Variants in ANXA5 observed in about 807,000 individuals in gnomAD.
The protein encoded by ANXA5 is CBP-I.
In ANXA5, 40 loss-of-function variants were observed where a neutral mutation model predicts 48.1. That is an observed-to-expected ratio of 0.83 (90% CI 0.65 to 1.08). The LOEUF is 1.08. ANXA5 is among the 50% of genes least tolerant of loss of function. The probability of loss-of-function intolerance (pLI) is 0.00; values close to 1 mark genes in which losing one functional copy is unlikely to be tolerated. For missense variants in ANXA5, 357 were observed against 376.8 expected (o/e 0.95, Z 0.44); for synonymous variants, 113 against 129.1 (o/e 0.88, Z 0.85).
chr4:121,673,497 A>C (rs367562889), intron 8 of ANXA5, among the ~76,000 whole-genome samples: 12 of 152,344 alleles, frequency 7.9e-5, no homozygotes, highest in East Asian at 3.9e-4. Context: ...CACAAGCAGC[A>C]ATCCAAATAA....
Position 121,672,539 on chromosome 4 carries a change from T to G in ANXA5, c.619A>C (p.Arg207=). The change falls in exon 9 of 13, where the codon AGA becomes CGA. Residue 207 remains arginine (R), a synonymous_variant. Transcript: ENST00000296511. ...IFGTRSVSHL[R]KVFDKYMTIS... is the part of the protein sequence containing the mutation. Reference sequence around the variant, plus strand: ...ACAGATTTTTTTCACTCACCCTTTCTCAAATGAGACACACTTCGTGTTCCA... The same window carrying G: ...ACAGATTTTTTTCACTCACCCTTTCGCAAATGAGACACACTTCGTGTTCCA... 1 of 1,613,310 alleles carries G rather than the reference T, an allele frequency of 6.2e-7. No homozygotes were observed. The highest frequency in any genetic ancestry group is 8.5e-7 in the Non-Finnish European group (1 of 1,179,462).
chr4:121,670,897 G>T (rs183320211), intron 10 of ANXA5, among the ~76,000 whole-genome samples: 26 of 152,106 alleles, frequency 1.7e-4, no homozygotes, highest in African/African-American at 6.0e-4. Context: ...TGAGCTCAAG[G>T]CCAAATACTT....
In ANXA5 at chr4:121,678,455, G is replaced by C; in HGVS notation, c.434C>G (p.Thr145Ser). 1 of 1,613,788 alleles carries C rather than the reference G, an allele frequency of 6.2e-7. No individual in the cohort carries two copies. Residue 145 changes from threonine (T) to serine (S), a missense_variant, in exon 7 of 13, where the codon ACT becomes AGT. By Grantham distance (58) the Thr-to-Ser change is moderately conservative. Transcript: ENST00000296511. ...CAACATCCGCTGGTAGTACCCTGAA[G>C]TGTCCCCCACCACGTCATCTTCCAG... ...SSLEDDVVGD[T>S]SGYYQRMLVV...
At chr4:121,677,592 T>C (rs1724719502) in intron 8 of ANXA5, among the ~76,000 whole-genome samples, 1 of 152,166 alleles carries the variant, frequency 6.6e-6, no homozygotes, top group African/African-American at 2.4e-5. Context: ...GTGGAAGTAA[T>C]AACACTGTTT....
chr4:121,672,159 C>T (rs1165549200), intron 9 of ANXA5, among the ~76,000 whole-genome samples: 1 of 152,310 alleles, frequency 6.6e-6, no homozygotes, highest in South Asian at 2.1e-4. Flanking sequence ...GTCACTTGCA[C>T]TAAATTCATT....
chr4:121,689,511 GAAAAAATTCGGA>G (rs1341554074), intron 2 of ANXA5, among the ~76,000 whole-genome samples: 1 of 152,168 alleles, frequency 6.6e-6, no homozygotes, highest in Non-Finnish European at 1.5e-5. Context: ...TGTGAAAAGA[GAAAAAATTCGGA>G]AAAAAATTCC....
chr4:121,674,663 A>G (rs1357992284), intron 8 of ANXA5, among the ~76,000 whole-genome samples: 1 of 152,216 alleles, frequency 6.6e-6, no homozygotes, highest in Non-Finnish European at 1.5e-5. Context: ...TTTGGGATCA[A>G]TATCTACTGT....
chr4:121,690,556 G>C (rs553901464), intron 2 of ANXA5, among the ~76,000 whole-genome samples: 52 of 152,170 alleles, frequency 3.4e-4, no homozygotes, highest in African/African-American at 1.2e-3. Flanking sequence ...TGCAAAGCAG[G>C]CTTTTAAAAA....
chr4:121,675,841 G>T (rs973265345), intron 8 of ANXA5, among the ~76,000 whole-genome samples: 2 of 152,204 alleles, frequency 1.3e-5, no homozygotes, highest in African/African-American at 4.8e-5. Flanking sequence ...ACATGCCCAT[G>T]AAAGTTTGAG....
rs780847433 is a variant in ANXA5, at chr4:121,686,401, C to T, written c.10-29G>A. 3.0e-5 allele frequency: 45 copies of T among 1,503,884 alleles called. 1 individual carries two copies. In the South Asian group the frequency reaches 3.3e-4, roughly 11 times the overall value. The allele number at this position is 1,503,884 out of a possible 1,614,324, so 93.2% of individuals were successfully genotyped here. ...ATTCACGAAACACAGTGGTATTATT[C>T]ATATCATGACTAATATGACAAAGTA... On this transcript the variant is annotated intron_variant, in intron 2 of 12. Transcript: ENST00000296511.
chr4:121,672,816 A>G (rs1482399131), intron 8 of ANXA5, among the ~76,000 whole-genome samples, 190 bp from the exon 9 acceptor site: 2 of 152,190 alleles, frequency 1.3e-5, no homozygotes, highest in African/African-American at 4.8e-5. Flanking sequence ...GGAGCTTGCC[A>G]CTGAACTGTG....
chr4:121,680,403 A>T (rs1246056931), intron 6 of ANXA5, among the ~76,000 whole-genome samples: 2 of 152,180 alleles, frequency 1.3e-5, no homozygotes, highest in Non-Finnish European at 2.9e-5. Flanking sequence ...CAAAGCTATG[A>T]TGACCTCTCT....
At chr4:121,672,817 C>A (rs765282857) in intron 8 of ANXA5, among the ~76,000 whole-genome samples, 191 bp from the exon 9 acceptor site, 1 of 152,210 alleles carries the variant, frequency 6.6e-6, no homozygotes, top group East Asian at 1.9e-4. Context: ...GAGCTTGCCA[C>A]TGAACTGTGC....
chr4:121,669,838 T>C lies in ANXA5; in HGVS notation c.781-114A>G, dbSNP rs1196768695. 9 of 1,460,644 alleles carry C rather than the reference T, an allele frequency of 6.2e-6. No individual in the cohort carries two copies. The Admixed American group carries it at 1.7e-4, about 27-fold the overall frequency. The allele number at this position is 1,460,644 out of a possible 1,614,324, so 90.5% of individuals were successfully genotyped here. On this transcript the variant is annotated intron_variant, in intron 11 of 12. Transcript: ENST00000296511. ...GGTATAACAATTTAGTAGAACTGGG[T>C]TGAATGTTATAAGGGAAAAATTCCC...
intron 2 of ANXA5, among the ~76,000 whole-genome samples, chr4:121,693,391 G>C (rs1340471463): frequency 1.3e-5 from 2 of 152,186 alleles, no homozygotes; most frequent in African/African-American, 4.8e-5. Context: ...AAAGGTCTTA[G>C]GAGCCCTAAT....
intron 8 of ANXA5, among the ~76,000 whole-genome samples, chr4:121,675,091 C>T (rs1259754546): frequency 6.6e-6 from 1 of 152,146 alleles, no homozygotes; most frequent in African/African-American, 2.4e-5. Flanking sequence ...CTCCCTCTTT[C>T]CTCTAAGAGT....
intron 5 of ANXA5, among the ~76,000 whole-genome samples, chr4:121,682,963 C>A (rs1009878646): frequency 5.3e-5 from 8 of 152,098 alleles, no homozygotes; most frequent in East Asian, 1.9e-4. Flanking sequence ...CTTGAAAATT[C>A]TCTCTGAAGC....
chr4:121,683,305 T>C lies in ANXA5; in HGVS notation c.303+59A>G, dbSNP rs889136611. On this transcript the variant is annotated intron_variant, in intron 5 of 12. Coordinates refer to ENST00000296511, the MANE Select transcript of ANXA5 (RefSeq NM_001154.4). Reference sequence around the variant, plus strand: ...AAATATAACAAATAAGAGGAAGTAATTACCAAAACAAAATAATACTATCTA... The same window carrying C: ...AAATATAACAAATAAGAGGAAGTAACTACCAAAACAAAATAATACTATCTA... 28 of 1,003,798 alleles carry C rather than the reference T, an allele frequency of 2.8e-5. No homozygotes were observed. The African/African-American group carries it at 4.4e-4, about 16-fold the overall frequency. 62.2% of individuals were successfully genotyped at this position (1,003,798 alleles called of 1,614,324 possible).
At chr4:121,689,787 G>A (rs896675023) in intron 2 of ANXA5, among the ~76,000 whole-genome samples, 2 of 152,174 alleles carry the variant, frequency 1.3e-5, no homozygotes, top group African/African-American at 2.4e-5. Context: ...AGATGGAACC[G>A]ACTGTGCAAG....
Sources: allele counts gnomAD v4.1 joint callset (sites outside exome capture counted in the v4.1 genomes callset), GRCh38; gene constraint gnomAD v4.1.1; transcripts MANE v1.5; gene names NCBI Gene and HGNC (gene_info 2026-07-23, HGNC 2026-07-21).